The following TMEM87B variants were observed in gnomAD, a reference collection of about 807,000 sequenced individuals.
TMEM87B encodes transmembrane protein 87B.
A neutral mutation model predicts 80.3 loss-of-function variants in TMEM87B; 83 were observed. The ratio of observed to expected loss-of-function variants is 1.03; its 90% CI spans 0.87 to 1.24. The LOEUF (loss-of-function observed/expected upper bound fraction) is 1.24, where lower values mean the gene tolerates loss of function less well. Ranked by LOEUF, TMEM87B falls within the 50% of genes most tolerant of loss-of-function variation. TMEM87B has a pLI of 0.00. For missense variants in TMEM87B, 625 were observed against 674.4 expected (o/e 0.93, Z 0.81); for synonymous variants, 219 against 230.5 (o/e 0.95, Z 0.45).
intron 5 of TMEM87B, among the ~76,000 whole-genome samples, chr2:112,076,878 G>GTGTC (rs1678836327): frequency 1.4e-5 from 2 of 147,442 alleles, no homozygotes; most frequent in Non-Finnish European, 3.0e-5. Context: ...GTGTGTGTGT[G>GTGTC]TGTGTGTGTG....
rs1402601323 is a variant in TMEM87B at position 112,055,469 on chromosome 2, C to T, written c.-123C>T. The T allele has an allele frequency of 5.1e-6, 6 of 1,182,150 alleles. No homozygotes were observed. The highest frequency in any genetic ancestry group is 4.5e-6 in the Non-Finnish European group (4 of 894,414). The allele number at this position is 1,182,150 out of a possible 1,614,324, so 73.2% of individuals were successfully genotyped here. A position where few individuals can be genotyped will look rare whatever the true frequency, so the allele number is the denominator to read the frequency against. Reference sequence around the variant, plus strand: ...CTCCGCCCAGGCCCAAGCGCGAGCCCCTCCTCCACACCCGAGTCCGAGCCC... The same window carrying T: ...CTCCGCCCAGGCCCAAGCGCGAGCCTCTCCTCCACACCCGAGTCCGAGCCC... On this transcript the variant is annotated 5_prime_UTR_variant, in exon 1 of 19. Coordinates refer to ENST00000283206, the MANE Select transcript of TMEM87B (RefSeq NM_032824.3).
chr2:112,076,868 G>GTGTGTGTGTC (rs1678835444), intron 5 of TMEM87B, among the ~76,000 whole-genome samples: 1 of 147,694 alleles, frequency 6.8e-6, no homozygotes, highest in South Asian at 2.1e-4. Context: ...GTGTGTGTGT[G>GTGTGTGTGTC]TGTGTGTGTG....
intron 2 of TMEM87B, among the ~76,000 whole-genome samples, chr2:112,063,743 TGTTAAA>T (rs1678329156): frequency 6.6e-6 from 1 of 152,236 alleles, no homozygotes; most frequent in Admixed American, 6.5e-5. Flanking sequence ...CCTGTTTAGT[TGTTAAA>T]ACTCACTCCT....
In TMEM87B at chr2:112,055,720, C is replaced by T. The variant is rs1678027891; in HGVS notation, c.129C>T (p.Val43=). 3 of 1,533,896 alleles carry T rather than the reference C, an allele frequency of 2.0e-6. No homozygotes were observed. The highest frequency in any genetic ancestry group is 2.5e-5 in the East Asian group (1 of 39,430). ...LCWTPAAVRA[V]PELGLWLETV... is the part of the protein sequence containing the mutation. ...GGACCCCGGCGGCTGTGCGCGCGGT[C>T]CCTGAGCTCGGGCTCTGGTTAGAGA... The change falls in exon 1 of 19, where the codon GTC becomes GTT. Residue 43 remains valine, a synonymous_variant. Transcript: ENST00000283206.
chr2:112,076,842 TTGTGTGTGTGTGTGTGTGTGTGTG>T (rs70962982), intron 5 of TMEM87B, among the ~76,000 whole-genome samples: 17 of 139,262 alleles, frequency 1.2e-4, no homozygotes, highest in African/African-American at 2.1e-4. Flanking sequence ...CTTTTCTGTT[TTGTGTGTGTGTGTGTGTGTGTGTG>T]TGTGTGTGTG....
chr2:112,103,249 C>T (rs536206097), intron 15 of TMEM87B, among the ~76,000 whole-genome samples: 31 of 152,176 alleles, frequency 2.0e-4, no homozygotes, highest in South Asian at 1.7e-3. Context: ...ATGAAAAATA[C>T]GTAAAACCTC....
intron 10 of TMEM87B, among the ~76,000 whole-genome samples, chr2:112,091,425 G>A (rs2104487272): frequency 6.6e-6 from 1 of 152,290 alleles, no homozygotes; most frequent in African/African-American, 2.4e-5. Context: ...GTATGGAGGA[G>A]AGAGATTGAA....
intron 2 of TMEM87B, among the ~76,000 whole-genome samples, chr2:112,061,032 T>C (rs1678244024): frequency 1.3e-5 from 2 of 152,240 alleles, no homozygotes; most frequent in South Asian, 2.1e-4. Context: ...AAACCCTTTA[T>C]GGCCTTGAAA....
At chr2:112,095,694 GT>G in intron 11 of TMEM87B, among the ~76,000 whole-genome samples, 1 of 152,224 alleles carries the variant, frequency 6.6e-6, no homozygotes, top group African/African-American at 2.4e-5. Context: ...TTAAAAAGCA[GT>G]TTTGTACTAA....
intron 1 of TMEM87B, among the ~76,000 whole-genome samples, chr2:112,056,588 C>T (rs1678071726): frequency 6.6e-6 from 1 of 152,166 alleles, no homozygotes; most frequent in Admixed American, 6.5e-5. Context: ...TCAGATGACT[C>T]ATCCAGCACT....
intron 14 of TMEM87B, among the ~76,000 whole-genome samples, chr2:112,099,389 T>C (rs1180414898): frequency 6.6e-6 from 1 of 151,944 alleles, no homozygotes; most frequent in Non-Finnish European, 1.5e-5. Context: ...GCTCAACTGG[T>C]AGGGATAATG....
At position 112,117,344 on chromosome 2, in the gene TMEM87B, A is replaced by G. The variant is rs935704659; in HGVS notation, c.*1201A>G. On this transcript the variant is annotated 3_prime_UTR_variant, in exon 19 of 19. Transcript: ENST00000283206. Reference sequence around the variant, plus strand: ...GAAGGAGTTCTAACCTTGTAAATTGAGAATGACTTCAGAGAATTTTGATTA... The same window carrying G: ...GAAGGAGTTCTAACCTTGTAAATTGGGAATGACTTCAGAGAATTTTGATTA... 6.6e-6 allele frequency: 1 copy of G among 152,246 alleles called. No individual in the cohort carries two copies. The highest frequency in any genetic ancestry group is 1.5e-5 in the Non-Finnish European group (1 of 68,038). 9.4% of individuals were successfully genotyped at this position (152,246 alleles called of 1,614,324 possible). A position where few individuals can be genotyped will look rare whatever the true frequency, so the allele number is the denominator to read the frequency against.
chr2:112,100,906 T>G (rs1679612108), intron 15 of TMEM87B, among the ~76,000 whole-genome samples: 1 of 152,166 alleles, frequency 6.6e-6, no homozygotes, highest in Admixed American at 6.5e-5. Flanking sequence ...TGTTACTCAT[T>G]TCGTAAAATG....
At chr2:112,086,912 G>A (rs1679161826) in intron 9 of TMEM87B, among the ~76,000 whole-genome samples, 1 of 152,084 alleles carries the variant, frequency 6.6e-6, no homozygotes, top group Admixed American at 6.6e-5. Flanking sequence ...TCATTTTCTA[G>A]ACTTTATTAT....
rs771073106 is a variant in TMEM87B, at chr2:112,078,197, C to CT, written c.592+916dup. Among the ~76,000 whole-genome samples the CT allele has an allele frequency of 3.3e-5, 5 of 152,278 alleles. 1 individual carries two copies. In the East Asian group the frequency reaches 5.8e-4, roughly 18 times the overall value. ...ATGCCATTCTGTCACCTATCTTAGT[C>CT]TGTTTGTGCTGCTATAATAGAATAC... On this transcript the variant is annotated intron_variant, in intron 6 of 18. Coordinates refer to ENST00000283206, the MANE Select transcript of TMEM87B (RefSeq NM_032824.3).
At chr2:112,095,428 GT>G (rs1483813632) in intron 11 of TMEM87B, 9 of 984,160 alleles carry the variant, frequency 9.1e-6, no homozygotes, top group Non-Finnish European at 8.4e-6. Flanking sequence ...GTCTTGGTAA[GT>G]GGAGGCTTAG....
At chr2:112,055,814 C>T (rs9308665) in intron 1 of TMEM87B, 58 bp downstream of exon 1, 2 of 1,438,486 alleles carry the variant, frequency 1.4e-6, no homozygotes, top group South Asian at 1.5e-5. Flanking sequence ...GGCCGTCGTG[C>T]GGCTTCGCTT....
chr2:112,081,229 G>A, intron 7 of TMEM87B, 106 bp from the exon 8 acceptor site: 1 of 1,418,104 alleles, frequency 7.1e-7, no homozygotes, highest in East Asian at 2.3e-5. Flanking sequence ...TGTATTTCTG[G>A]TTCCAGAGTG....
At position 112,060,328 on chromosome 2, in the gene TMEM87B, G is replaced by A. The variant is rs913703774; in HGVS notation, c.226+291G>A. 2.9e-5 allele frequency among the ~76,000 whole-genome samples: 4 copies of A among 139,386 alleles called. No individual in the cohort carries two copies. In the South Asian group the frequency reaches 6.7e-4, roughly 23 times the overall value. The allele number at this position is 139,386 out of a possible 152,430, so 91.4% of individuals were successfully genotyped here. On this transcript the variant is annotated intron_variant, in intron 2 of 18. Transcript: ENST00000283206. ...CGCGCCACTGCACTCCAGCCTGGGC[G>A]ACACAGTGAGACTCTGTCTCAAAAA...
Sources: gnomAD v4.1 joint callset for allele counts (sites outside exome capture counted in the v4.1 genomes callset) on GRCh38, gnomAD v4.1.1 for gene constraint, MANE v1.5 for transcripts, NCBI Gene and HGNC (gene_info 2026-07-23, HGNC 2026-07-21) for gene names.